The following ARMCX4 variants were observed in gnomAD, a reference collection of about 807,000 sequenced individuals.
ARMCX4 encodes armadillo repeat-containing X-linked protein 4.
A neutral mutation model predicts 34.7 loss-of-function variants in ARMCX4; 3 were observed. That is an observed-to-expected ratio of 0.09 (90% CI 0.04 to 0.22). The LOEUF is 0.22. Ranked by LOEUF, ARMCX4 falls within the 10% of genes least tolerant of loss-of-function variation. The pLI, the probability that ARMCX4 is intolerant of heterozygous loss-of-function variation, is 1.00. For missense variants in ARMCX4, 1,448 were observed against 1,720.8 expected, an observed-to-expected ratio of 0.84 and a Z score of 2.81; for synonymous variants, 513 against 632.8, an observed-to-expected ratio of 0.81 and a Z score of 2.84.
At chrX:101,438,963 C>T (rs1290316277) in intron 2 of ARMCX4, among the ~76,000 whole-genome samples, 3 of 111,904 alleles carry the variant, frequency 2.7e-5, no homozygotes, top group African/African-American at 9.7e-5. Context: ...GCATTTAGCC[C>T]ATTTACATTT....
intron 7 of ARMCX4, among the ~76,000 whole-genome samples, chrX:101,502,067 A>C (rs1934312940): frequency 8.9e-6 from 1 of 111,911 alleles, no homozygotes; most frequent in African/African-American, 3.2e-5. Context: ...TATGAATGGA[A>C]AATTATATAC....
intron 2 of ARMCX4, among the ~76,000 whole-genome samples, chrX:101,434,111 G>GT (rs1435265842): frequency 2.7e-5 from 3 of 109,195 alleles, no homozygotes; most frequent in East Asian, 2.9e-4. Flanking sequence ...ATGCCTGCCT[G>GT]TTTTTTGTAT....
intron 11 of ARMCX4, among the ~76,000 whole-genome samples, chrX:101,519,130 C>T (rs890841083): frequency 3.6e-5 from 4 of 110,892 alleles, no homozygotes; most frequent in Admixed American, 1.9e-4. Flanking sequence ...GATATAGAAC[C>T]AACAACTTAA....
upstream of ARMCX4, among the ~76,000 whole-genome samples, chrX:101,481,166 A>T (rs991678242): frequency 4.5e-5 from 5 of 112,011 alleles, no homozygotes; most frequent in African/African-American, 1.6e-4. Flanking sequence ...TGACTCTTAT[A>T]TTGGCAATAA....
At position 101,488,831 on chromosome X, in the gene ARMCX4, G is replaced by A. The variant is rs1556007649; in HGVS notation, c.242G>A (p.Ser81Asn). 2 of 1,156,199 alleles carry A rather than the reference G, an allele frequency of 1.7e-6. No homozygotes were observed. Among genetic ancestry groups the A allele is most frequent in the Admixed American group, 5.2e-5 (2 of 38,765 alleles). ...ATTGGAGCAGAAACTGGAGCAAGAA[G>A]TGGGCCTAGGGCTGAAGTAGAGACC... ...VEIGAETGAR[S>N]GPRAEVETKA... Residue 81 changes from serine to asparagine, a missense_variant, in exon 6 of 6, where the codon AGT (serine) becomes AAT (asparagine). Ser to Asn is a conservative substitution (Grantham distance 46). Coordinates refer to ENST00000423738, the MANE Select transcript of ARMCX4 (RefSeq NM_001256155.3).
intron 11 of ARMCX4, among the ~76,000 whole-genome samples, chrX:101,513,692 C>T (rs1165712810): frequency 3.6e-5 from 4 of 111,438 alleles, no homozygotes; most frequent in African/African-American, 1.3e-4. Flanking sequence ...TTTTCTTTCA[C>T]TATCCATTCC....
chrX:101,436,196 T>C (rs1393635554), intron 2 of ARMCX4, among the ~76,000 whole-genome samples: 1 of 109,239 alleles, frequency 9.2e-6, no homozygotes, highest in African/African-American at 3.3e-5. Flanking sequence ...CATTGGTAGC[T>C]TGATGGGGAT....
Position 101,493,208 on chromosome X carries a change from A to C in ARMCX4, c.4619A>C (p.Asn1540Thr). The stretch of plus-strand genomic sequence containing the variant: ...GGAGGGTCTAGGCCAGGGCCCACGA[A>C]CCAGTCCAGTGCTGGGTCCTGGGAT... ...DVGGSRPGPT[N>T]QSSAGSWDSP... Residue 1540 changes from asparagine (N) to threonine (T), a missense_variant, in exon 6 of 6, where the codon AAC becomes ACC. Asn to Thr is a moderately conservative substitution (Grantham distance 65, BLOSUM62 0). This residue lies in a region of ARMCX4 where 1,343 missense variants were observed against 1,540.7 expected (regional missense o/e 0.87). Transcript: ENST00000423738. 8.7e-7 allele frequency: 1 copy of C among 1,155,398 alleles called. No homozygotes were observed. The highest frequency in any genetic ancestry group is 1.1e-6 in the Non-Finnish European group (1 of 872,745).
intron 4 of ARMCX4, among the ~76,000 whole-genome samples, chrX:101,463,056 C>T (rs145802728): frequency 0.019 from 2,167 of 111,810 alleles, 55 homozygotes; most frequent in African/African-American, 0.066. Flanking sequence ...ATAATTGCAA[C>T]TCTGATTCTA....
intron 3 of ARMCX4, 92 bp from the exon 4 acceptor site, chrX:101,487,516 C>T (rs782581816): frequency 8.4e-6 from 3 of 355,845 alleles, no homozygotes; most frequent in African/African-American, 2.7e-5. Flanking sequence ...TGGGCTCTGG[C>T]GAGGCAGACA....
exon 13 of ARMCX4, chrX:101,533,305 C>T (rs1935166691): frequency 9.0e-6 from 1 of 110,894 alleles, no homozygotes; most frequent in African/African-American, 3.3e-5. Flanking sequence ...TCACTAGGCT[C>T]CAGAAATACT....
chrX:101,426,759 G>C (rs1384463249), intron 2 of ARMCX4, among the ~76,000 whole-genome samples: 1 of 111,780 alleles, frequency 8.9e-6, no homozygotes, highest in Non-Finnish European at 1.9e-5. Context: ...GTACAGCAAA[G>C]TTGTGTCATT....
intron 4 of ARMCX4, among the ~76,000 whole-genome samples, chrX:101,457,318 A>G (rs1348309881): frequency 1.8e-5 from 2 of 112,270 alleles, no homozygotes; most frequent in Non-Finnish European, 3.8e-5. Context: ...TATCTGACTG[A>G]AGCTCTCTTT....
chrX:101,467,671 G>C (rs1310716449), intron 4 of ARMCX4, among the ~76,000 whole-genome samples: 1 of 111,665 alleles, frequency 9.0e-6, no homozygotes, highest in Non-Finnish European at 1.9e-5. Context: ...TCATGGTGGG[G>C]GGGGGACGGT....
At chrX:101,453,249 C>G (rs1338471118) in intron 4 of ARMCX4, among the ~76,000 whole-genome samples, 2 of 111,854 alleles carry the variant, frequency 1.8e-5, no homozygotes, top group East Asian at 5.6e-4. Context: ...GAATATAAAT[C>G]TTTACCATAT....
At chrX:101,531,363 C>A (rs782623748) in intron 11 of ARMCX4, among the ~76,000 whole-genome samples, 8 of 111,969 alleles carry the variant, frequency 7.1e-5, no homozygotes, top group Non-Finnish European at 1.5e-4. Flanking sequence ...CTTCCCACAA[C>A]AACAATTGTC....
chrX:101,443,719 G>A (rs1483180823), intron 2 of ARMCX4: 9 of 266,168 alleles, frequency 3.4e-5, no homozygotes, highest in Admixed American at 3.1e-4. Flanking sequence ...AGTTCTTGTC[G>A]GTCTTGCCAT....
Position 101,488,813 on chromosome X carries a change from C to T in ARMCX4, c.224C>T (p.Ala75Val). Reference sequence around the variant, plus strand: ...ACTAAACCCCAAGTCGAGATTGGAGCAGAAACTGGAGCAAGAAGTGGGCCT... The same window carrying T: ...ACTAAACCCCAAGTCGAGATTGGAGTAGAAACTGGAGCAAGAAGTGGGCCT... ...IKTKPQVEIGAETGARSGPRA... is the reference protein window; with the variant it reads ...IKTKPQVEIGVETGARSGPRA... Residue 75 changes from alanine (A) to valine (V), a missense_variant, in exon 6 of 6, where the codon GCA becomes GTA. By Grantham distance (64) the Ala-to-Val change is moderately conservative (BLOSUM62 0). This residue lies in a region of ARMCX4 where 1,343 missense variants were observed against 1,540.7 expected (regional missense o/e 0.87). Transcript: ENST00000423738. 3.5e-6 allele frequency: 4 copies of T among 1,156,256 alleles called. No individual in the cohort carries two copies. Among genetic ancestry groups the T allele is most frequent in the Non-Finnish European group, 4.6e-6 (4 of 873,025 alleles).
At chrX:101,422,825 C>T (rs1358719659) in intron 2 of ARMCX4, among the ~76,000 whole-genome samples, 1 of 111,451 alleles carries the variant, frequency 9.0e-6, no homozygotes, top group Non-Finnish European at 1.9e-5. Context: ...GGTCTGATTT[C>T]TTTCACTGTC....
Sources: allele counts gnomAD v4.1 joint callset (sites outside exome capture counted in the v4.1 genomes callset), GRCh38; gene constraint gnomAD v4.1.1; regional missense constraint gnomAD v4.1.1; transcripts MANE v1.5; gene names NCBI Gene and HGNC (gene_info 2026-07-23, HGNC 2026-07-21).